FREM2: variants seen among roughly 807,000 people sequenced by gnomAD.
The protein encoded by FREM2 is FRAS1-related extracellular matrix protein 2.
FREM2 carries 119 observed loss-of-function variants against 219.9 expected under a neutral mutation model. That is an observed-to-expected ratio of 0.54 (90% confidence interval 0.47 to 0.63). The LOEUF is 0.63. Among genes scored for constraint, FREM2 ranks in the 30% least tolerant of loss-of-function variants. The pLI is 0.00. For synonymous variants in FREM2, 1,562 were observed against 1,522.8 expected (o/e 1.03, Z -0.60); for missense variants, 4,030 against 3,993.6 (o/e 1.01, Z -0.25).
rs773389202 is a variant in FREM2, at chr13:38,876,325, A to T, written c.8487A>T (p.Pro2829=). The change falls in exon 20 of 24, where the codon CCA becomes CCT. Residue 2829 remains proline (P), a synonymous_variant. Transcript: ENST00000280481. ...TAPSHQEYRL[P]VTCNPREPVT... ...CATCACATCAGGAATACCGCCTGCCAGTCACCTGCAACCCCAGAGAACCTG... is the reference window on the plus strand; with the variant it reads ...CATCACATCAGGAATACCGCCTGCCTGTCACCTGCAACCCCAGAGAACCTG... The T allele has an allele frequency of 3.4e-5, 55 of 1,614,030 alleles. No individual in the cohort carries two copies. The highest frequency in any genetic ancestry group is 4.5e-5 in the Non-Finnish European group (53 of 1,179,936).
rs973337940 is a variant in FREM2, at chr13:38,731,138, G to A, written c.5264-33166G>A. Among the ~76,000 whole-genome samples, 6 of 152,206 alleles carry A rather than the reference G, an allele frequency of 3.9e-5. No homozygotes were observed. In the East Asian group the frequency reaches 7.7e-4, roughly 20 times the overall value. ...TGTACCTGAACATGCTCCCATAGCCGTGGCAAGAAAACACTTCAGACATTG... is the reference window on the plus strand; with the variant it reads ...TGTACCTGAACATGCTCCCATAGCCATGGCAAGAAAACACTTCAGACATTG... On this transcript the variant is annotated intron_variant, in intron 2 of 23. Coordinates refer to ENST00000280481, the MANE Select transcript of FREM2 (RefSeq NM_207361.6).
At chr13:38,751,436 A>G (rs1872761518) in intron 2 of FREM2, among the ~76,000 whole-genome samples, 1 of 152,030 alleles carries the variant, frequency 6.6e-6, no homozygotes, top group African/African-American at 2.4e-5. Context: ...CAAACCCTAC[A>G]GAGCTTGACT....
intron 2 of FREM2, among the ~76,000 whole-genome samples, chr13:38,730,519 G>A (rs1182057848): frequency 6.6e-6 from 1 of 152,164 alleles, no homozygotes; most frequent in African/African-American, 2.4e-5. Context: ...CATTCTGTGA[G>A]GAAGGAATGT....
At chr13:38,829,518 T>C (rs1285657833) in intron 6 of FREM2, among the ~76,000 whole-genome samples, 2 of 151,998 alleles carry the variant, frequency 1.3e-5, no homozygotes, top group African/African-American at 4.8e-5. Context: ...CAAACATTAA[T>C]AGGAAAAAAT....
chr13:38,698,772 C>T (rs1263697183), intron 2 of FREM2, among the ~76,000 whole-genome samples: 1 of 152,082 alleles, frequency 6.6e-6, no homozygotes, highest in Non-Finnish European at 1.5e-5. Flanking sequence ...TTTTTTGAAG[C>T]ATTACATAGT....
In FREM2 at chr13:38,764,345, G is replaced by T; in HGVS notation, c.5305G>T (p.Ala1769Ser). 6.2e-7 allele frequency: 1 copy of T among 1,610,626 alleles called. No homozygotes were observed. Among genetic ancestry groups the T allele is most frequent in the Non-Finnish European group, 8.5e-7 (1 of 1,177,054 alleles). Residue 1769 changes from alanine (A) to serine (S), a missense_variant, in exon 3 of 24, where the codon GCA (alanine) becomes TCA (serine). Physicochemically the swap from Ala to Ser is moderately conservative, Grantham distance 99. Coordinates refer to ENST00000280481, the MANE Select transcript of FREM2 (RefSeq NM_207361.6). ...GTACCAGAATTTTCGTCTGAATTGG[G>T]CATGGATCTCCTTTGAAAAGGAATA... is the stretch of plus-strand genomic sequence containing the variant. The part of the protein sequence containing the change: ...LTYQNFRLNW[A>S]WISFEKEYYL...
At chr13:38,762,519 A>G (rs913155586) in intron 2 of FREM2, among the ~76,000 whole-genome samples, 2 of 151,858 alleles carry the variant, frequency 1.3e-5, no homozygotes, top group East Asian at 1.9e-4. Context: ...GGCTCACCAC[A>G]ACCTCTGCTT....
chr13:38,886,156 G>A lies in FREM2; in HGVS notation c.*5369G>A, dbSNP rs1455482819. The A allele has an allele frequency of 1.3e-5, 2 of 152,112 alleles. No individual in the cohort carries two copies. Among genetic ancestry groups the A allele is most frequent in the Admixed American group, 6.5e-5 (1 of 15,268 alleles). The allele number at this position is 152,112 out of a possible 1,614,324, so 9.4% of individuals were successfully genotyped here. ...TAAGAATGTAAATTTTTAAAAGCTA[G>A]CATTAAAAGTAAAGAGCAGTACAAT... On this transcript the variant is annotated 3_prime_UTR_variant, in exon 24 of 24. Coordinates refer to ENST00000280481, the MANE Select transcript of FREM2 (RefSeq NM_207361.6).
chr13:38,750,077 G>A (rs1017182952), intron 2 of FREM2, among the ~76,000 whole-genome samples: 2 of 152,112 alleles, frequency 1.3e-5, no homozygotes, highest in Non-Finnish European at 1.5e-5. Context: ...TTTGGATTTT[G>A]GCTAAATAGT....
intron 6 of FREM2, among the ~76,000 whole-genome samples, chr13:38,794,649 A>G (rs1167863721): frequency 6.6e-6 from 1 of 151,780 alleles, no homozygotes; most frequent in African/African-American, 2.4e-5. Context: ...TTACCTGTGT[A>G]TTCTTCGTTT....
chr13:38,732,549 T>TA (rs1180870143), intron 2 of FREM2, among the ~76,000 whole-genome samples: 3 of 152,202 alleles, frequency 2.0e-5, no homozygotes, highest in Non-Finnish European at 2.9e-5. Flanking sequence ...ATCAGCAAGA[T>TA]GTAGCCCCTA....
rs1248516608 is a variant in FREM2 at position 38,878,216 on chromosome 13, T to C, written c.8754T>C (p.Phe2918=). 1 of 1,613,804 alleles carries C rather than the reference T, an allele frequency of 6.2e-7. No homozygotes were observed. The highest frequency in any genetic ancestry group is 8.5e-7 in the Non-Finnish European group (1 of 1,179,780). The part of the protein sequence containing the change: ...DSFYCSIEKV[F]LCTGADGYVP... ...TTTACTGCAGCATTGAGAAGGTGTTTCTATGCACTGGAGCTGATGGCTATG... is the reference window on the plus strand; with the variant it reads ...TTTACTGCAGCATTGAGAAGGTGTTCCTATGCACTGGAGCTGATGGCTATG... The change falls in exon 22 of 24, where the codon TTT becomes TTC. Residue 2918 remains phenylalanine (F), a synonymous_variant. Transcript: ENST00000280481.
intron 2 of FREM2, among the ~76,000 whole-genome samples, chr13:38,751,299 C>A (rs951011219): frequency 1.3e-5 from 2 of 151,694 alleles, no homozygotes; most frequent in African/African-American, 2.4e-5. Context: ...CACATCCTTG[C>A]CAACACCTGC....
At chr13:38,754,886 G>GATTATTATTATTATT (rs1491523407) in intron 2 of FREM2, among the ~76,000 whole-genome samples, 3 of 82,888 alleles carry the variant, frequency 3.6e-5, no homozygotes, top group Non-Finnish European at 5.0e-5. Flanking sequence ...TGATGATGAT[G>GATTATTATTATTATT]ATGATGATGA....
chr13:38,764,719 A>G (rs1211324449), intron 3 of FREM2, among the ~76,000 whole-genome samples: 2 of 152,208 alleles, frequency 1.3e-5, no homozygotes, highest in Non-Finnish European at 2.9e-5. Flanking sequence ...TAGATCTTAG[A>G]ATGAGCTTAG....
chr13:38,727,133 T>C (rs574878498), intron 2 of FREM2, among the ~76,000 whole-genome samples: 2 of 152,310 alleles, frequency 1.3e-5, no homozygotes, highest in Admixed American at 1.3e-4. Context: ...ATTTCATCTA[T>C]TGCATCAAAA....
chr13:38,869,101 T>C (rs528911731), intron 16 of FREM2, among the ~76,000 whole-genome samples: 21 of 152,340 alleles, frequency 1.4e-4, no homozygotes, highest in African/African-American at 5.1e-4. Flanking sequence ...TGCAAACACA[T>C]TTTATCAACT....
At chr13:38,708,647 C>G (rs147898911) in intron 2 of FREM2, among the ~76,000 whole-genome samples, 42 of 152,232 alleles carry the variant, frequency 2.8e-4, no homozygotes, top group Middle Eastern at 3.4e-3. Flanking sequence ...GAATGAGACT[C>G]TGTCTCAATA....
At chr13:38,715,178 T>C (rs140396751) in intron 2 of FREM2, among the ~76,000 whole-genome samples, 1 of 152,302 alleles carries the variant, frequency 6.6e-6, no homozygotes, top group East Asian at 1.9e-4. Context: ...TTTGACATCA[T>C]GTTTATTTAA....
Sources: gnomAD v4.1 joint callset for allele counts (sites outside exome capture counted in the v4.1 genomes callset) on GRCh38, gnomAD v4.1.1 for gene constraint, MANE v1.5 for transcripts, NCBI Gene and HGNC (gene_info 2026-07-23, HGNC 2026-07-21) for gene names.